FGGY: variants seen among roughly 807,000 people sequenced by gnomAD.
The protein encoded by FGGY is FGGY carbohydrate kinase domain-containing protein.
In FGGY, 72 loss-of-function variants were observed where a neutral mutation model predicts 71.3. That is an observed-to-expected ratio of 1.01 (90% CI 0.84 to 1.23). The LOEUF is 1.23. Ranked by LOEUF, FGGY falls within the 50% of genes most tolerant of loss-of-function variation. The pLI, the probability that FGGY is intolerant of heterozygous loss-of-function variation, is 0.00. For synonymous variants in FGGY, 251 were observed against 250.3 expected, an observed-to-expected ratio of 1.00 and a Z score of -0.02; for missense variants, 668 against 682.3, an observed-to-expected ratio of 0.98 and a Z score of 0.23.
chr1:59,737,304 T>C (rs2098114494), intron 14 of FGGY, among the ~76,000 whole-genome samples: 1 of 152,192 alleles, frequency 6.6e-6, no homozygotes, highest in Admixed American at 6.5e-5. Flanking sequence ...GGGCACCGTC[T>C]AGTGGAGCTG....
intron 5 of FGGY, among the ~76,000 whole-genome samples, chr1:59,385,228 A>G (rs769553347): frequency 1.3e-5 from 2 of 151,550 alleles, no homozygotes; most frequent in African/African-American, 2.4e-5. Context: ...TATTGTTCTC[A>G]TCCTCCGAAA....
chr1:59,369,412 G>A (rs1361862756), intron 4 of FGGY, among the ~76,000 whole-genome samples: 1 of 152,220 alleles, frequency 6.6e-6, no homozygotes, highest in Non-Finnish European at 1.5e-5. Flanking sequence ...CAGCCTGGAA[G>A]CTCAACTGGG....
chr1:59,560,474 C>T (rs928146374), intron 8 of FGGY, among the ~76,000 whole-genome samples: 8 of 152,092 alleles, frequency 5.3e-5, no homozygotes, highest in African/African-American at 1.9e-4. Flanking sequence ...CAGTGTCATT[C>T]ACTGTGACAT....
chr1:59,532,354 T>A (rs1558242919), intron 7 of FGGY, among the ~76,000 whole-genome samples: 1 of 152,054 alleles, frequency 6.6e-6, no homozygotes, highest in Non-Finnish European at 1.5e-5. Flanking sequence ...CAAACAAGTA[T>A]GAGATATATG....
At chr1:59,729,249 C>T (rs535703238) in intron 14 of FGGY, among the ~76,000 whole-genome samples, 3 of 151,748 alleles carry the variant, frequency 2.0e-5, no homozygotes, top group East Asian at 1.9e-4. Flanking sequence ...TTAGCATTTT[C>T]GTCTCTCGTT....
At chr1:59,343,026 C>T (rs141984788) in intron 3 of FGGY, among the ~76,000 whole-genome samples, 68 of 152,214 alleles carry the variant, frequency 4.5e-4, no homozygotes, top group African/African-American at 1.6e-3. Flanking sequence ...CAGAGCCTTA[C>T]CCTGATTGTG....
At chr1:59,458,007 C>T (rs2091878032) in intron 6 of FGGY, among the ~76,000 whole-genome samples, 2 of 152,126 alleles carry the variant, frequency 1.3e-5, no homozygotes, top group South Asian at 4.1e-4. Context: ...AGATGAGAAT[C>T]AGAGAGATTA....
intron 11 of FGGY, among the ~76,000 whole-genome samples, chr1:59,652,858 T>C (rs1411899242): frequency 6.6e-6 from 1 of 152,230 alleles, no homozygotes; most frequent in Admixed American, 6.5e-5. Context: ...GTTTTTCTGT[T>C]CTGTTTTTTC....
chr1:59,430,387 T>C (rs2067130543), intron 5 of FGGY, among the ~76,000 whole-genome samples: 2 of 152,182 alleles, frequency 1.3e-5, no homozygotes, highest in Admixed American at 6.5e-5. Flanking sequence ...TCATTTCATG[T>C]CTTTTTTGGT....
At chr1:59,585,655 C>T (rs2096272383) in intron 8 of FGGY, among the ~76,000 whole-genome samples, 1 of 152,090 alleles carries the variant, frequency 6.6e-6, no homozygotes, top group South Asian at 2.1e-4. Flanking sequence ...GCAACAAAAG[C>T]CAAAATTGAC....
intron 5 of FGGY, among the ~76,000 whole-genome samples, chr1:59,418,338 A>G (rs769699097): frequency 1.1e-4 from 16 of 152,334 alleles, no homozygotes; most frequent in Non-Finnish European, 1.8e-4. Context: ...ACAGATTTCA[A>G]TCGATTTAGA....
intron 8 of FGGY, among the ~76,000 whole-genome samples, chr1:59,604,217 C>T (rs2096602569): frequency 6.6e-6 from 1 of 152,212 alleles, no homozygotes; most frequent in African/African-American, 2.4e-5. Flanking sequence ...AGACAGCCAT[C>T]AGCATGGAAG....
At chr1:59,428,889 TCTCAC>T (rs2066852265) in intron 5 of FGGY, among the ~76,000 whole-genome samples, 1 of 152,222 alleles carries the variant, frequency 6.6e-6, no homozygotes, top group Admixed American at 6.5e-5. Context: ...TGAGGATCCC[TCTCAC>T]TTATGTCTGT....
chr1:59,483,083 T>C (rs890617232), intron 6 of FGGY, among the ~76,000 whole-genome samples: 1 of 152,186 alleles, frequency 6.6e-6, no homozygotes, highest in Non-Finnish European at 1.5e-5. Context: ...TTGAGATCCA[T>C]TGGAGTAGAT....
chr1:59,467,311 T>G (rs544717553), intron 6 of FGGY, among the ~76,000 whole-genome samples: 1 of 151,722 alleles, frequency 6.6e-6, no homozygotes, highest in Non-Finnish European at 1.5e-5. Flanking sequence ...TGAGAACACT[T>G]GGACACAGGG....
intron 8 of FGGY, among the ~76,000 whole-genome samples, chr1:59,591,809 A>C (rs1445684820): frequency 2.0e-5 from 3 of 152,230 alleles, no homozygotes; most frequent in Non-Finnish European, 4.4e-5. Flanking sequence ...TAAAGACTTA[A>C]ACGTTCGACC....
At chr1:59,369,315 A>G (rs1440413494) in intron 4 of FGGY, among the ~76,000 whole-genome samples, 1 of 152,148 alleles carries the variant, frequency 6.6e-6, no homozygotes, top group Non-Finnish European at 1.5e-5. Flanking sequence ...GATTGCTAGC[A>G]CAGCAGTCTG....
At chr1:59,371,048 A>G (rs963215991) in intron 4 of FGGY, among the ~76,000 whole-genome samples, 1 of 152,082 alleles carries the variant, frequency 6.6e-6, no homozygotes, top group Non-Finnish European at 1.5e-5. Flanking sequence ...TCAAATTCAC[A>G]CATAACAATA....
At chr1:59,698,814 T>G in intron 14 of FGGY, 1 of 985,406 alleles carries the variant, frequency 1.0e-6, no homozygotes, top group Non-Finnish European at 1.2e-6. Context: ...TGTACTTAAT[T>G]TTTAATATGT....
Sources: gnomAD v4.1 joint callset for allele counts (sites outside exome capture counted in the v4.1 genomes callset) on GRCh38, gnomAD v4.1.1 for gene constraint, MANE v1.5 for transcripts, NCBI Gene and HGNC (gene_info 2026-07-23, HGNC 2026-07-21) for gene names.